Variants in GABRB3 observed in about 807,000 individuals in gnomAD.
GABRB3 encodes gamma-aminobutyric acid type A receptor subunit beta3, also known as gamma-aminobutyric acid receptor subunit beta-3.
A neutral mutation model predicts 52.1 loss-of-function variants in GABRB3; 14 were observed. The ratio of observed to expected loss-of-function variants is 0.27; its 90% CI spans 0.18 to 0.42. GABRB3 has a LOEUF of 0.42. Among genes scored for constraint, GABRB3 ranks in the 10% least tolerant of loss-of-function variants. GABRB3 has a pLI of 1.00. For synonymous variants in GABRB3, 260 were observed against 232.3 expected, an observed-to-expected ratio of 1.12 and a Z score of -1.08; for missense variants, 307 against 609.1, an observed-to-expected ratio of 0.50 and a Z score of 5.22.
chr15:26,690,842 C>A (rs1057129218), intron 3 of GABRB3, among the ~76,000 whole-genome samples: 1 of 149,328 alleles, frequency 6.7e-6, no homozygotes, highest in South Asian at 2.3e-4. Context: ...GATCAAAATT[C>A]TTGCTCTGTT....
At chr15:26,773,629 G>A (rs765693582), upstream of GABRB3, 13 of 1,550,156 alleles carry the variant, frequency 8.4e-6, no homozygotes, top group Non-Finnish European at 1.0e-5. Flanking sequence ...AGAACGCCGG[G>A]AAGCCCCCGC....
intron 3 of GABRB3, chr15:26,625,017 TA>T (rs1296756064): frequency 1.0e-6 from 1 of 964,936 alleles, no homozygotes; most frequent in Admixed American, 6.2e-5. Context: ...TATTATCCTA[TA>T]TCGATGAAGT....
intron 3 of GABRB3, among the ~76,000 whole-genome samples, chr15:26,649,312 A>G (rs950564364): frequency 6.6e-6 from 1 of 152,110 alleles, no homozygotes; most frequent in African/African-American, 2.4e-5. Context: ...CTTCCATATT[A>G]GGACACAGCA....
rs1018076837 is a variant in GABRB3 at position 26,621,967 on chromosome 15, G to C, written c.241-433C>G. Among the ~76,000 whole-genome samples, 3 of 152,134 alleles carry C rather than the reference G, an allele frequency of 2.0e-5. No homozygotes were observed. On this transcript the variant is annotated intron_variant, in intron 3 of 8. Coordinates refer to ENST00000311550, the MANE Select transcript of GABRB3 (RefSeq NM_000814.6). This position sits in a 1 kb window ranked among gnomAD's most constrained non-coding sequence, Gnocchi z 4.1. ...TCTACAAACTCTCTCTGCAATTTGA[G>C]CCACTTTCCTCTGGTTCTGCCCTCC...
At chr15:26,737,062 A>C (rs1481754643) in intron 3 of GABRB3, among the ~76,000 whole-genome samples, 1 of 152,202 alleles carries the variant, frequency 6.6e-6, no homozygotes, top group South Asian at 2.1e-4. Context: ...CCGCCCTCTA[A>C]AGTGCTGTCG....
intron 3 of GABRB3, among the ~76,000 whole-genome samples, chr15:26,698,747 TC>T (rs1888830620): frequency 6.6e-6 from 1 of 152,092 alleles, no homozygotes; most frequent in Non-Finnish European, 1.5e-5. Context: ...CCCCAAAGGC[TC>T]CCGCCTGGCT....
At chr15:26,630,839 T>C (rs1469150351) in intron 3 of GABRB3, among the ~76,000 whole-genome samples, 1 of 152,236 alleles carries the variant, frequency 6.6e-6, no homozygotes, top group African/African-American at 2.4e-5. Context: ...TTTTACAAGC[T>C]CAAATTGCTT....
chr15:26,754,240 G>A (rs907880020), intron 3 of GABRB3, among the ~76,000 whole-genome samples: 2 of 152,066 alleles, frequency 1.3e-5, no homozygotes, highest in African/African-American at 4.8e-5. Context: ...TGGGAGAGAG[G>A]GAGAGAAGAC....
chr15:26,624,187 C>A, intron 3 of GABRB3: 2 of 985,022 alleles, frequency 2.0e-6, no homozygotes, highest in Non-Finnish European at 1.2e-6. Context: ...AGGGCATATT[C>A]CGCCCCTTCA....
chr15:26,624,424 T>C (rs1174828784), intron 3 of GABRB3: 8 of 985,176 alleles, frequency 8.1e-6, no homozygotes, highest in Non-Finnish European at 9.6e-6. Context: ...CTTCTCAGAG[T>C]CCCTCCGGAT....
chr15:26,580,219 T>C, intron 6 of GABRB3, 100 bp downstream of exon 6: 1 of 1,383,904 alleles, frequency 7.2e-7, no homozygotes, highest in Non-Finnish European at 1.0e-6. Flanking sequence ...CTCCTTCCGA[T>C]GATCCTGTGC....
At chr15:26,644,883 A>G (rs1478736899) in intron 3 of GABRB3, among the ~76,000 whole-genome samples, 1 of 152,210 alleles carries the variant, frequency 6.6e-6, no homozygotes, top group Non-Finnish European at 1.5e-5. Flanking sequence ...ACTCACAGAA[A>G]ACTTGATAGG....
At chr15:26,667,247 G>T (rs200155474) in intron 3 of GABRB3, among the ~76,000 whole-genome samples, 1 of 152,192 alleles carries the variant, frequency 6.6e-6, no homozygotes, top group Non-Finnish European at 1.5e-5. Context: ...GCCAGAGCCC[G>T]AGGAGTGAAC....
At chr15:26,680,567 T>A (rs887056441) in intron 3 of GABRB3, among the ~76,000 whole-genome samples, 1 of 152,222 alleles carries the variant, frequency 6.6e-6, no homozygotes, top group Non-Finnish European at 1.5e-5. Flanking sequence ...CTGGAATAGA[T>A]GATGCTTACC....
Position 26,547,542 on chromosome 15 carries a change from T to C in GABRB3, c.*251A>G. 1.7e-6 allele frequency: 1 copy of C among 579,914 alleles called. No homozygotes were observed. Among genetic ancestry groups the C allele is most frequent in the Non-Finnish European group, 3.0e-6 (1 of 328,078 alleles). 35.9% of individuals were successfully genotyped at this position (579,914 alleles called of 1,614,324 possible). A position where few individuals can be genotyped will look rare whatever the true frequency, so the allele number is the denominator to read the frequency against. ...ATTGTCCATAGCTGCAAAATGTATATATGTATGTGTATTTGTCTTCCATAC... is the reference window on the plus strand; with the variant it reads ...ATTGTCCATAGCTGCAAAATGTATACATGTATGTGTATTTGTCTTCCATAC... On this transcript the variant is annotated 3_prime_UTR_variant, in exon 9 of 9. Transcript: ENST00000311550.
intron 3 of GABRB3, among the ~76,000 whole-genome samples, chr15:26,677,487 C>T (rs1888106315): frequency 6.6e-6 from 1 of 152,144 alleles, no homozygotes; most frequent in African/African-American, 2.4e-5. Context: ...GGCCATCCTT[C>T]TCCACCCGGG....
intron 6 of GABRB3, among the ~76,000 whole-genome samples, chr15:26,575,697 A>G (rs1300304624): frequency 6.6e-6 from 1 of 152,232 alleles, no homozygotes; most frequent in African/African-American, 2.4e-5. Flanking sequence ...ATGATCATTA[A>G]TAAGAAAATA....
chr15:26,568,937 G>A (rs968747473), intron 6 of GABRB3, among the ~76,000 whole-genome samples: 20 of 152,002 alleles, frequency 1.3e-4, no homozygotes, highest in Admixed American at 1.3e-3. Flanking sequence ...GCTGCCTGAG[G>A]GCCAGCCAGT....
intron 3 of GABRB3, among the ~76,000 whole-genome samples, chr15:26,655,154 GTTAAT>G (rs1352720284): frequency 6.6e-6 from 1 of 152,132 alleles, no homozygotes; most frequent in East Asian, 1.9e-4. Flanking sequence ...GCACATATGG[GTTAAT>G]TTAATATAGT....
Sources: gnomAD v4.1 joint callset for allele counts (sites outside exome capture counted in the v4.1 genomes callset) on GRCh38, gnomAD v4.1.1 for gene constraint, Gnocchi (gnomAD v3.1) non-coding constraint, MANE v1.5 for transcripts, NCBI Gene and HGNC (gene_info 2026-07-23, HGNC 2026-07-21) for gene names.